AKAP12: variants seen among roughly 807,000 people sequenced by gnomAD.
AKAP12 encodes the protein A-kinase anchoring protein 12, also known as A-kinase anchor protein 12.
A neutral mutation model predicts 79.9 loss-of-function variants in AKAP12; 32 were observed. The observed-to-expected ratio is 0.40, with a 90% CI of 0.30 to 0.54. AKAP12 has a LOEUF of 0.54. Among genes scored for constraint, AKAP12 ranks in the 20% least tolerant of loss-of-function variants. The probability of loss-of-function intolerance (pLI) is 0.48; values close to 1 mark genes in which losing one functional copy is unlikely to be tolerated. For synonymous variants in AKAP12, 808 were observed against 857.0 expected, an observed-to-expected ratio of 0.94 and a Z score of 1.00; for missense variants, 2,074 against 2,177.0, an observed-to-expected ratio of 0.95 and a Z score of 0.94.
rs760573393 is a variant in AKAP12 at position 151,329,713 on chromosome 6, TCA to T, written c.320-18995_320-18994del. On this transcript the variant is annotated intron_variant, in intron 3 of 4. Coordinates refer to ENST00000402676, the MANE Select transcript of AKAP12 (RefSeq NM_005100.4). ...CTTTGGAGACACGAAATTGATACTTTCACAACTGCTGGATTAATAACTACCAC... is the reference window on the plus strand; with the variant it reads ...CTTTGGAGACACGAAATTGATACTTTCAACTGCTGGATTAATAACTACCAC... 3.4e-4 allele frequency among the ~76,000 whole-genome samples: 52 copies of T among 152,202 alleles called. 1 individual carries two copies. Among genetic ancestry groups the T allele is most frequent in the Non-Finnish European group, 6.3e-4 (43 of 68,034 alleles).
chr6:151,323,320 G>A (rs1167785186), intron 3 of AKAP12, among the ~76,000 whole-genome samples: 1 of 152,198 alleles, frequency 6.6e-6, no homozygotes, highest in Non-Finnish European at 1.5e-5. Context: ...GGAGGCCGAG[G>A]CGGGTGGATC....
intron 3 of AKAP12, among the ~76,000 whole-genome samples, chr6:151,344,318 C>T (rs1283298620): frequency 2.6e-5 from 4 of 152,170 alleles, no homozygotes; most frequent in Non-Finnish European, 5.9e-5. Flanking sequence ...GGCATCACCA[C>T]TGAAGCAAAG....
intron 2 of AKAP12, among the ~76,000 whole-genome samples, chr6:151,293,733 G>A (rs1321031430): frequency 2.0e-5 from 3 of 152,156 alleles, no homozygotes; most frequent in Non-Finnish European, 2.9e-5. Context: ...TAAGGAGAGA[G>A]TAAGTAACAT....
chr6:151,321,855 C>T (rs1706646875), intron 3 of AKAP12, among the ~76,000 whole-genome samples: 1 of 151,718 alleles, frequency 6.6e-6, no homozygotes, highest in Non-Finnish European at 1.5e-5. Flanking sequence ...GTCTTCCTTG[C>T]CCCCCGCCAC....
chr6:151,333,863 T>A (rs929873530), intron 3 of AKAP12, among the ~76,000 whole-genome samples: 8 of 151,946 alleles, frequency 5.3e-5, no homozygotes, highest in African/African-American at 1.9e-4. Flanking sequence ...TTTTGGTGTG[T>A]CATGTACAGT....
chr6:151,348,682 C>CACCA, intron 3 of AKAP12, 29 bp from the exon 4 acceptor site: 1 of 198,918 alleles, frequency 5.0e-6, no homozygotes, highest in East Asian at 1.3e-4. Context: ...TTCTCTTCTC[C>CACCA]CCACCCCCCC....
intron 2 of AKAP12, among the ~76,000 whole-genome samples, chr6:151,300,152 A>T (rs1343516506): frequency 3.3e-5 from 5 of 152,156 alleles, no homozygotes; most frequent in African/African-American, 9.7e-5. Flanking sequence ...GAAGGAGAAA[A>T]CACAATGAAG....
intron 3 of AKAP12, among the ~76,000 whole-genome samples, chr6:151,322,912 A>G (rs753790792): frequency 7.9e-5 from 12 of 152,258 alleles, no homozygotes; most frequent in African/African-American, 1.4e-4. Flanking sequence ...TCTATCATCC[A>G]TCTATGTATT....
In AKAP12 at chr6:151,260,011, GT is replaced by G. The variant is rs1483384511; in HGVS notation, c.162+19291del. 2.0e-5 allele frequency among the ~76,000 whole-genome samples: 3 copies of G among 151,960 alleles called. No homozygotes were observed. In the East Asian group the frequency reaches 5.8e-4, roughly 29 times the overall value. The stretch of plus-strand genomic sequence containing the variant: ...GTGTCTGAGGGTTCCTAACACAGTT[GT>G]TTTACTGTGTATTTTTGTGTTAATT... On this transcript the variant is annotated intron_variant, in intron 2 of 4. Coordinates refer to ENST00000402676, the MANE Select transcript of AKAP12 (RefSeq NM_005100.4).
At chr6:151,310,402 A>G (rs759537562) in intron 3 of AKAP12, among the ~76,000 whole-genome samples, 1 of 151,968 alleles carries the variant, frequency 6.6e-6, no homozygotes, top group Non-Finnish European at 1.5e-5. Flanking sequence ...CCCAAACAGG[A>G]ATGATTTTTA....
At chr6:151,296,546 G>A (rs1318180432) in intron 2 of AKAP12, among the ~76,000 whole-genome samples, 2 of 152,314 alleles carry the variant, frequency 1.3e-5, no homozygotes, top group East Asian at 3.9e-4. Flanking sequence ...GGAGGCTGAG[G>A]TGGGCGGATC....
chr6:151,356,263 G>A lies in AKAP12; in HGVS notation c.*549G>A, dbSNP rs934961655. 7 of 152,550 alleles carry A rather than the reference G, an allele frequency of 4.6e-5. No individual in the cohort carries two copies. Among genetic ancestry groups the A allele is most frequent in the African/African-American group, 1.7e-4 (7 of 41,414 alleles). The allele number at this position is 152,550 out of a possible 1,614,324, so 9.4% of individuals were successfully genotyped here. ...CCTAGATGTAACATTCCTGATCAAG[G>A]TACAATTCTTTAAAATTCACTAATG... On this transcript the variant is annotated 3_prime_UTR_variant, in exon 5 of 5. Transcript: ENST00000402676.
chr6:151,247,762 G>A lies in AKAP12; in HGVS notation c.162+7038G>A, dbSNP rs766278357. Among the ~76,000 whole-genome samples, 6 of 152,160 alleles carry A rather than the reference G, an allele frequency of 3.9e-5. No homozygotes were observed. The East Asian group carries it at 1.2e-3, about 29-fold the overall frequency. On this transcript the variant is annotated intron_variant, in intron 2 of 4. Transcript: ENST00000402676. ...GAAGGCTTACCCGGGATCCTCTCCCGTTCTCACGGCAAACAGCCTGGCTCT... is the reference window on the plus strand; with the variant it reads ...GAAGGCTTACCCGGGATCCTCTCCCATTCTCACGGCAAACAGCCTGGCTCT...
At chr6:151,343,267 A>G (rs1379068989) in intron 3 of AKAP12, among the ~76,000 whole-genome samples, 1 of 152,080 alleles carries the variant, frequency 6.6e-6, no homozygotes, top group East Asian at 1.9e-4. Context: ...ATGTCTCTGC[A>G]TTTTCTGATT....
At chr6:151,315,128 T>C (rs75656352) in intron 3 of AKAP12, among the ~76,000 whole-genome samples, 1 of 152,048 alleles carries the variant, frequency 6.6e-6, no homozygotes, top group African/African-American at 2.4e-5. Context: ...GCTCTCTGAT[T>C]GTAACTAAGC....
chr6:151,325,791 G>GA, intron 3 of AKAP12: 1 of 1,612,990 alleles, frequency 6.2e-7, no homozygotes, highest in Non-Finnish European at 8.5e-7. Context: ...GCAGGCAGGA[G>GA]ACTAGGCGTC....
chr6:151,332,209 T>A lies in AKAP12; in HGVS notation c.320-16502T>A, dbSNP rs180889436. On this transcript the variant is annotated intron_variant, in intron 3 of 4. Coordinates refer to ENST00000402676, the MANE Select transcript of AKAP12 (RefSeq NM_005100.4). Reference sequence around the variant, plus strand: ...CCGCCACCACATCTGGCTAAATTTTTGTATTTTTAGTAGAGATGGGGTTTC... The same window carrying A: ...CCGCCACCACATCTGGCTAAATTTTAGTATTTTTAGTAGAGATGGGGTTTC... Among the ~76,000 whole-genome samples, 800 of 151,876 alleles carry A rather than the reference T, an allele frequency of 5.3e-3. 5 individuals are homozygous for A. Among genetic ancestry groups the A allele is most frequent in the Middle Eastern group, 0.014 (4 of 294 alleles).
intron 3 of AKAP12, among the ~76,000 whole-genome samples, chr6:151,308,827 C>G (rs1190480472): frequency 1.3e-5 from 2 of 152,094 alleles, no homozygotes; most frequent in Non-Finnish European, 2.9e-5. Context: ...ACTTATTAAA[C>G]AGCATTTTTC....
intron 2 of AKAP12, among the ~76,000 whole-genome samples, chr6:151,252,732 G>GGGAA (rs1357356762): frequency 1.1e-4 from 11 of 95,822 alleles, no homozygotes; most frequent in Non-Finnish European, 1.7e-4. Flanking sequence ...CTGTCTCTGG[G>GGGAA]AAAAAAAAAA....
Sources: gnomAD v4.1 joint callset for allele counts (sites outside exome capture counted in the v4.1 genomes callset) on GRCh38, gnomAD v4.1.1 for gene constraint, MANE v1.5 for transcripts, NCBI Gene and HGNC (gene_info 2026-07-23, HGNC 2026-07-21) for gene names.